Variants in DLG2 observed in about 807,000 individuals in gnomAD.
DLG2 encodes discs large MAGUK scaffold protein 2.
DLG2 carries 45 observed loss-of-function variants against 132.5 expected under a neutral mutation model. The ratio of observed to expected loss-of-function variants is 0.34; its 90% CI spans 0.27 to 0.44. The LOEUF (loss-of-function observed/expected upper bound fraction) is 0.44. Ranked by LOEUF, DLG2 falls within the 20% of genes least tolerant of loss-of-function variation. DLG2 has a pLI of 1.00. For synonymous variants in DLG2, 424 were observed against 419.6 expected, an observed-to-expected ratio of 1.01 and a Z score of -0.13; for missense variants, 1,045 against 1,196.9, an observed-to-expected ratio of 0.87 and a Z score of 1.87.
chr11:85,210,875 C>T lies in DLG2; in HGVS notation c.187-56224G>A, dbSNP rs190071833. ...TTCCTTCTCCCTTCCATTTCACAGG[C>T]TTCAGACCTGCATAATAGCCTGAAG... is the stretch of plus-strand genomic sequence containing the variant. On this transcript the variant is annotated intron_variant, in intron 4 of 27. Transcript: ENST00000376104. 2.6e-5 allele frequency among the ~76,000 whole-genome samples: 4 copies of T among 152,212 alleles called. No individual in the cohort carries two copies. In the East Asian group the frequency reaches 7.7e-4, roughly 29 times the overall value.
At chr11:85,168,067 A>ACTCTCTTTTC (rs2078588498) in intron 4 of DLG2, among the ~76,000 whole-genome samples, 1 of 152,196 alleles carries the variant, frequency 6.6e-6, no homozygotes, top group Non-Finnish European at 1.5e-5. Flanking sequence ...AGAAGAGAGT[A>ACTCTCTTTTC]TCAGTTATCA....
At chr11:85,138,235 T>A (rs1301184384) in intron 5 of DLG2, among the ~76,000 whole-genome samples, 1 of 152,126 alleles carries the variant, frequency 6.6e-6, no homozygotes, top group East Asian at 1.9e-4. Flanking sequence ...ATCATCAAAA[T>A]CTAAACAACC....
At chr11:83,475,738 CT>C (rs1234643162) in intron 22 of DLG2, among the ~76,000 whole-genome samples, 2 of 150,698 alleles carry the variant, frequency 1.3e-5, no homozygotes, top group African/African-American at 4.9e-5. Flanking sequence ...TTTCTTTTCT[CT>C]CTCTTTCTTT....
chr11:85,443,564 T>C (rs1401068426), intron 3 of DLG2, among the ~76,000 whole-genome samples: 1 of 152,232 alleles, frequency 6.6e-6, no homozygotes, highest in African/African-American at 2.4e-5. Context: ...GTGTGACTCT[T>C]AAATGTGCTA....
At chr11:83,517,183 T>C (rs140426084) in intron 21 of DLG2, among the ~76,000 whole-genome samples, 27,332 of 152,192 alleles carry the variant, frequency 0.18, 2,753 homozygotes, top group Non-Finnish European at 0.21. Context: ...GATTTGGTCT[T>C]TTCACATAGT....
intron 3 of DLG2, among the ~76,000 whole-genome samples, chr11:85,577,055 G>T (rs2078200941): frequency 6.6e-6 from 1 of 152,148 alleles, no homozygotes; most frequent in South Asian, 2.1e-4. Context: ...GAAGAGGTGG[G>T]AGAAGTAGCT....
At chr11:85,189,811 T>C (rs1366621165) in intron 4 of DLG2, among the ~76,000 whole-genome samples, 1 of 152,086 alleles carries the variant, frequency 6.6e-6, no homozygotes, top group Non-Finnish European at 1.5e-5. Flanking sequence ...ATTTTTTTTT[T>C]CTTAGAGACA....
chr11:83,527,861 A>G (rs1295722988), intron 21 of DLG2, among the ~76,000 whole-genome samples: 1 of 152,220 alleles, frequency 6.6e-6, no homozygotes, highest in Admixed American at 6.5e-5. Flanking sequence ...TTGATTTTTC[A>G]GTGCAGAACA....
chr11:84,260,464 A>G (rs2097536251), intron 7 of DLG2, among the ~76,000 whole-genome samples: 1 of 152,206 alleles, frequency 6.6e-6, no homozygotes, highest in African/African-American at 2.4e-5. Flanking sequence ...CTACAGATCA[A>G]CACTGAAACA....
chr11:83,941,913 T>C (rs1010711891), intron 14 of DLG2, among the ~76,000 whole-genome samples: 1 of 152,226 alleles, frequency 6.6e-6, no homozygotes, highest in African/African-American at 2.4e-5. Flanking sequence ...TTTTTCTGTG[T>C]CAGTACACAT....
intron 21 of DLG2, among the ~76,000 whole-genome samples, chr11:83,487,063 T>C (rs2093563727): frequency 1.3e-5 from 2 of 150,702 alleles, no homozygotes. Context: ...TGCTATTATT[T>C]GTAGAACACA....
chr11:83,792,376 G>A (rs558691025), intron 17 of DLG2, among the ~76,000 whole-genome samples: 37 of 152,134 alleles, frequency 2.4e-4, no homozygotes, highest in African/African-American at 8.4e-4. Flanking sequence ...TGCCCAGATA[G>A]TGTACTGATA....
At chr11:83,835,592 GA>G (rs1241378130) in intron 16 of DLG2, among the ~76,000 whole-genome samples, 1 of 152,160 alleles carries the variant, frequency 6.6e-6, no homozygotes, top group Non-Finnish European at 1.5e-5. Flanking sequence ...AGTGAATGAG[GA>G]AAGGAGAATG....
At chr11:84,715,158 C>G (rs2061066711) in intron 6 of DLG2, among the ~76,000 whole-genome samples, 2 of 152,064 alleles carry the variant, frequency 1.3e-5, no homozygotes, top group Admixed American at 1.3e-4. Context: ...TTGAAGATAC[C>G]TGATGTGTCC....
intron 7 of DLG2, among the ~76,000 whole-genome samples, chr11:84,519,881 C>G (rs987588230): frequency 6.6e-6 from 1 of 152,130 alleles, no homozygotes; most frequent in Admixed American, 6.5e-5. Flanking sequence ...TAATTCATAT[C>G]ATTTCTGAAG....
intron 6 of DLG2, among the ~76,000 whole-genome samples, chr11:84,537,731 T>C (rs1324161527): frequency 6.6e-6 from 1 of 152,210 alleles, no homozygotes. Flanking sequence ...GGGACCACAT[T>C]GGTATTGTTT....
At chr11:84,871,863 C>G (rs187407112) in intron 6 of DLG2, among the ~76,000 whole-genome samples, 1 of 151,976 alleles carries the variant, frequency 6.6e-6, no homozygotes, top group South Asian at 2.1e-4. Context: ...TTAGTAGAGA[C>G]GGGGTTTCAC....
intron 6 of DLG2, among the ~76,000 whole-genome samples, chr11:84,550,103 A>G (rs1007424677): frequency 1.4e-5 from 2 of 147,902 alleles, no homozygotes; most frequent in African/African-American, 2.5e-5. Context: ...CAAGTATTGT[A>G]AAACGAGCCT....
intron 3 of DLG2, among the ~76,000 whole-genome samples, chr11:85,454,211 C>T (rs1024024510): frequency 6.6e-6 from 1 of 151,274 alleles, no homozygotes; most frequent in African/African-American, 2.4e-5. Flanking sequence ...TCATCTGTTA[C>T]TTTTTGAGTT....
Sources: allele counts gnomAD v4.1 joint callset (sites outside exome capture counted in the v4.1 genomes callset), GRCh38; gene constraint gnomAD v4.1.1; transcripts MANE v1.5; gene names NCBI Gene and HGNC (gene_info 2026-07-23, HGNC 2026-07-21).